Variants in AGAP1 observed in about 807,000 individuals in gnomAD.
AGAP1 encodes ArfGAP with GTPase domain, ankyrin repeat and PH domain 1, also known as arf-GAP with GTPase, ANK repeat and PH domain-containing protein 1.
Under a neutral mutation model 105.3 loss-of-function variants are expected in AGAP1, and 29 were observed. The observed-to-expected ratio is 0.28, with a 90% CI of 0.21 to 0.38. AGAP1 has a LOEUF of 0.38. Ranked by LOEUF, AGAP1 falls within the 10% of genes least tolerant of loss-of-function variation. The pLI is 1.00. For missense variants in AGAP1, 998 were observed against 1,165.1 expected, an observed-to-expected ratio of 0.86 and a Z score of 2.09; for synonymous variants, 509 against 485.9, an observed-to-expected ratio of 1.05 and a Z score of -0.63.
At chr2:235,884,773 T>A (rs997910135) in intron 10 of AGAP1, among the ~76,000 whole-genome samples, 4 of 152,144 alleles carry the variant, frequency 2.6e-5, no homozygotes, top group African/African-American at 7.2e-5. Flanking sequence ...ATATTTTTAA[T>A]CCATAGTTGA....
At chr2:235,745,027 T>A (rs1208772714) in intron 5 of AGAP1, among the ~76,000 whole-genome samples, 188 bp downstream of exon 5, 1 of 152,156 alleles carries the variant, frequency 6.6e-6, no homozygotes, top group African/African-American at 2.4e-5. Context: ...ACCACTCATT[T>A]AACAACCTGA....
intron 12 of AGAP1, among the ~76,000 whole-genome samples, chr2:235,932,069 G>A (rs1335246007): frequency 1.3e-5 from 2 of 152,220 alleles, no homozygotes; most frequent in African/African-American, 2.4e-5. Flanking sequence ...GAATCACGAT[G>A]ATAACCCTGA....
chr2:235,712,047 C>G lies in AGAP1; in HGVS notation c.222+2810C>G, dbSNP rs959284811. On this transcript the variant is annotated intron_variant, in intron 2 of 17. Coordinates refer to ENST00000304032, the MANE Select transcript of AGAP1 (RefSeq NM_001037131.3). The surrounding 1 kb of genome is among the most constrained non-coding windows in gnomAD (Gnocchi z 6.0). The stretch of plus-strand genomic sequence containing the variant: ...TTCTTTCTTTCTTTTTTTTTTGTTA[C>G]GGGGTCTCACTCTGTCACCCAGGCT... 2.6e-5 allele frequency among the ~76,000 whole-genome samples: 4 copies of G among 151,120 alleles called. No homozygotes were observed. The highest frequency in any genetic ancestry group is 5.9e-5 in the Non-Finnish European group (4 of 67,870).
intron 1 of AGAP1, among the ~76,000 whole-genome samples, chr2:235,643,457 A>AAAAAAAAAGAAAG (rs1553595203): frequency 7.1e-6 from 1 of 140,400 alleles, no homozygotes; most frequent in African/African-American, 2.7e-5. Flanking sequence ...AAAAAAAAAA[A>AAAAAAAAAGAAAG]AAAGAAAGAA....
intron 10 of AGAP1, among the ~76,000 whole-genome samples, chr2:235,907,525 A>G (rs1209211203): frequency 1.3e-5 from 2 of 152,220 alleles, no homozygotes; most frequent in Non-Finnish European, 2.9e-5. Flanking sequence ...TTTCACATCT[A>G]AAGGGAATTC....
chr2:235,663,587 G>A lies in AGAP1; in HGVS notation c.164-45592G>A, dbSNP rs1299779605. Among the ~76,000 whole-genome samples, 2 of 152,136 alleles carry A rather than the reference G, an allele frequency of 1.3e-5. No homozygotes were observed. Among genetic ancestry groups the A allele is most frequent in the Non-Finnish European group, 2.9e-5 (2 of 68,040 alleles). On this transcript the variant is annotated intron_variant, in intron 1 of 17. Transcript: ENST00000304032. The surrounding 1 kb of genome is among the most constrained non-coding windows in gnomAD (Gnocchi z 5.4). ...GGCTGGCAAAAATTCCCAGGGCATC[G>A]TTTGTGGCCTCAATGTGATTTTCAT...
rs551698538 is a variant in AGAP1 at position 235,725,757 on chromosome 2, A to T, written c.310+8113A>T. Reference sequence around the variant, plus strand: ...ATTTTCAGAATTAACCTGATCACTCACCATGGAAATACCATTCCCCTTTGT... The same window carrying T: ...ATTTTCAGAATTAACCTGATCACTCTCCATGGAAATACCATTCCCCTTTGT... On this transcript the variant is annotated intron_variant, in intron 3 of 17. Transcript: ENST00000304032. The surrounding 1 kb of genome is among the most constrained non-coding windows in gnomAD (Gnocchi z 5.7). 6.6e-6 allele frequency among the ~76,000 whole-genome samples: 1 copy of T among 152,214 alleles called. No homozygotes were observed. Among genetic ancestry groups the T allele is most frequent in the Non-Finnish European group, 1.5e-5 (1 of 68,038 alleles).
Position 235,807,225 on chromosome 2 carries a change from C to G in AGAP1, c.958-14C>G. 6.2e-7 allele frequency: 1 copy of G among 1,609,156 alleles called. No homozygotes were observed. The highest frequency in any genetic ancestry group is 8.5e-7 in the Non-Finnish European group (1 of 1,178,804). On this transcript the variant is annotated splice_polypyrimidine_tract_variant and intron_variant, in intron 8 of 17. Transcript: ENST00000304032. Reference sequence around the variant, plus strand: ...AGCCCTTACCCAGATGCCAACTTTCCTTTTGCTTTGCAGTCTCGGAAAGGG... The same window carrying G: ...AGCCCTTACCCAGATGCCAACTTTCGTTTTGCTTTGCAGTCTCGGAAAGGG...
intron 1 of AGAP1, among the ~76,000 whole-genome samples, chr2:235,561,957 A>G (rs977232928): frequency 4.6e-5 from 7 of 152,200 alleles, no homozygotes; most frequent in Non-Finnish European, 7.3e-5. Context: ...TCCATGGACT[A>G]TCTTGAGGTT....
rs1286955322 is a variant in AGAP1, at chr2:236,002,942, C to CT, written c.1646-33619_1646-33618insT. 6.6e-6 allele frequency among the ~76,000 whole-genome samples: 1 copy of CT among 152,162 alleles called. No homozygotes were observed. Among genetic ancestry groups the CT allele is most frequent in the African/African-American group, 2.4e-5 (1 of 41,432 alleles). On this transcript the variant is annotated intron_variant, in intron 13 of 17. Coordinates refer to ENST00000304032, the MANE Select transcript of AGAP1 (RefSeq NM_001037131.3). This position sits in a 1 kb window ranked among gnomAD's most constrained non-coding sequence, Gnocchi z 4.3. ...CTGGGTTCCAGGCGCAGCCATGAGA[C>CT]ACCTGCTCTGCACCCAGCTCTTCTT...
chr2:235,652,613 CG>C (rs1947632732), intron 1 of AGAP1, among the ~76,000 whole-genome samples: 1 of 152,118 alleles, frequency 6.6e-6, no homozygotes, highest in African/African-American at 2.4e-5. Flanking sequence ...GATCCTAGGC[CG>C]GGTGCGGTGG....
intron 10 of AGAP1, among the ~76,000 whole-genome samples, chr2:235,899,719 G>A (rs1269771302): frequency 1.3e-5 from 2 of 152,170 alleles, no homozygotes; most frequent in African/African-American, 2.4e-5. Flanking sequence ...AAGGAATTGT[G>A]TTGGCTCCTT....
chr2:235,692,454 A>T lies in AGAP1; in HGVS notation c.164-16725A>T, dbSNP rs1949779207. On this transcript the variant is annotated intron_variant, in intron 1 of 17. Coordinates refer to ENST00000304032, the MANE Select transcript of AGAP1 (RefSeq NM_001037131.3). This position sits in a 1 kb window ranked among gnomAD's most constrained non-coding sequence, Gnocchi z 5.8. The stretch of plus-strand genomic sequence containing the variant: ...CTAGAAAATGTGACCCATGTTGCCA[A>T]CTCCCAAAAGCCACCAGGTGACTTC... Among the ~76,000 whole-genome samples the T allele has an allele frequency of 6.6e-6, 1 of 151,834 alleles. No homozygotes were observed. The highest frequency in any genetic ancestry group is 6.6e-5 in the Admixed American group (1 of 15,242).
At chr2:235,848,399 A>C (rs1473914624) in intron 9 of AGAP1, among the ~76,000 whole-genome samples, 2 of 152,246 alleles carry the variant, frequency 1.3e-5, no homozygotes, top group Admixed American at 6.5e-5. Context: ...TCCTACTCAG[A>C]GGCAAATCTC....
chr2:235,771,936 G>C (rs1048064322), intron 6 of AGAP1, among the ~76,000 whole-genome samples: 8 of 150,948 alleles, frequency 5.3e-5, no homozygotes, highest in Non-Finnish European at 1.0e-4. Context: ...TTAGAAAATA[G>C]AAGTAAATGC....
Position 236,050,498 on chromosome 2 carries a change from C to T in AGAP1, c.2114+1217C>T, listed in dbSNP as rs1327829659. Among the ~76,000 whole-genome samples, 2 of 152,198 alleles carry T rather than the reference C, an allele frequency of 1.3e-5. No homozygotes were observed. The highest frequency in any genetic ancestry group is 3.8e-4 in the East Asian group (2 of 5,200). On this transcript the variant is annotated intron_variant, in intron 16 of 17. Coordinates refer to ENST00000304032, the MANE Select transcript of AGAP1 (RefSeq NM_001037131.3). The surrounding 1 kb of genome is among the most constrained non-coding windows in gnomAD (Gnocchi z 4.0). Reference sequence around the variant, plus strand: ...TTTCTTACAAACCGAAGAAATTATGCACTTTAAAAAGTATTTATCTTGATT... The same window carrying T: ...TTTCTTACAAACCGAAGAAATTATGTACTTTAAAAAGTATTTATCTTGATT...
At chr2:235,526,084 G>A (rs1942826418) in intron 1 of AGAP1, among the ~76,000 whole-genome samples, 1 of 42,372 alleles carries the variant, frequency 2.4e-5, no homozygotes, top group Admixed American at 2.1e-4. Context: ...GATTTATAAA[G>A]TAGAGGACTG....
intron 12 of AGAP1, among the ~76,000 whole-genome samples, chr2:235,968,239 G>A (rs772116002): frequency 3.3e-5 from 5 of 152,164 alleles, no homozygotes; most frequent in Non-Finnish European, 7.3e-5. Context: ...AAAAAGAAAT[G>A]CTTGTGTTTT....
intron 8 of AGAP1, among the ~76,000 whole-genome samples, chr2:235,800,421 A>C (rs1957441537): frequency 6.7e-6 from 1 of 149,758 alleles, no homozygotes; most frequent in South Asian, 2.1e-4. Context: ...GTGCTTGAAA[A>C]CTCCCTGGGT....
Sources: gnomAD v4.1 joint callset for allele counts (sites outside exome capture counted in the v4.1 genomes callset) on GRCh38, gnomAD v4.1.1 for gene constraint, Gnocchi (gnomAD v3.1) non-coding constraint, MANE v1.5 for transcripts, NCBI Gene and HGNC (gene_info 2026-07-23, HGNC 2026-07-21) for gene names.